The following MICAL3 variants were observed in gnomAD, a reference collection of about 807,000 sequenced individuals.
MICAL3 encodes the protein microtubule associated monooxygenase, calponin and LIM domain containing 3.
A neutral mutation model predicts 207.4 loss-of-function variants in MICAL3; 62 were observed. The observed-to-expected ratio is 0.30, with a 90% CI of 0.24 to 0.37. The LOEUF is 0.37. Among genes scored for constraint, MICAL3 ranks in the 10% least tolerant of loss-of-function variants. The pLI is 1.00. For synonymous variants in MICAL3, 1,077 were observed against 1,069.3 expected (o/e 1.01, Z -0.14); for missense variants, 2,368 against 2,635.6 (o/e 0.90, Z 2.22).
rs557182840 is a variant in MICAL3, at chr22:18,008,573, G to A, written c.-75+15708C>T. On this transcript the variant is annotated intron_variant, in intron 1 of 31. Coordinates refer to ENST00000441493, the MANE Select transcript of MICAL3 (RefSeq NM_015241.3). ...CCATGTTCTTGCCCCTCTTCTACAC[G>A]AAGGGACTGGTTTGGAACCAACTTA... 1.9e-4 allele frequency among the ~76,000 whole-genome samples: 29 copies of A among 152,304 alleles called. No individual in the cohort carries two copies. The South Asian group carries it at 4.4e-3, about 23-fold the overall frequency.
At chr22:17,832,229 G>C (rs777278560) in intron 20 of MICAL3, 122 bp from the exon 21 acceptor site, 1 of 1,263,394 alleles carries the variant, frequency 7.9e-7, no homozygotes, top group Non-Finnish European at 1.1e-6. Context: ...CAGGCGGAGA[G>C]AGACAGGAGG....
rs376922108 is a variant in MICAL3 at position 17,875,521 on chromosome 22, C to A, written c.2242-3498G>T. Reference sequence around the variant, plus strand: ...AGACTAAGAGAAAGCTCCCACTGGTCGACAAAAAATCGACGAGGAGGTTCA... The same window carrying A: ...AGACTAAGAGAAAGCTCCCACTGGTAGACAAAAAATCGACGAGGAGGTTCA... On this transcript the variant is annotated intron_variant, in intron 16 of 31. Coordinates refer to ENST00000441493, the MANE Select transcript of MICAL3 (RefSeq NM_015241.3). The A allele has an allele frequency of 1.9e-6, 3 of 1,551,486 alleles. No individual in the cohort carries two copies. In the South Asian group the frequency reaches 3.6e-5, roughly 19 times the overall value.
chr22:17,877,701 A>G (rs1296271051), intron 16 of MICAL3, among the ~76,000 whole-genome samples: 1 of 152,036 alleles, frequency 6.6e-6, no homozygotes, highest in Non-Finnish European at 1.5e-5. Context: ...ACCAGTTCAG[A>G]GGGAAAAAGA....
At chr22:17,998,081 C>T (rs1007037451) in intron 1 of MICAL3, among the ~76,000 whole-genome samples, 5 of 144,436 alleles carry the variant, frequency 3.5e-5, no homozygotes, top group Admixed American at 2.8e-4. Context: ...GAGGGTGAAT[C>T]ACCTGAGGTC....
chr22:17,886,528 G>C (rs1398588602), intron 15 of MICAL3, among the ~76,000 whole-genome samples: 2 of 152,166 alleles, frequency 1.3e-5, no homozygotes, highest in South Asian at 2.1e-4. Flanking sequence ...AATTTGGCCG[G>C]GTGTGGTGGC....
intron 1 of MICAL3, among the ~76,000 whole-genome samples, chr22:17,931,297 A>G (rs572277829): frequency 6.6e-6 from 1 of 152,282 alleles, no homozygotes; most frequent in South Asian, 2.1e-4. Flanking sequence ...CACCATTTGG[A>G]AAAAAACTAA....
At chr22:17,861,047 T>C in intron 19 of MICAL3, 2 of 985,460 alleles carry the variant, frequency 2.0e-6, no homozygotes, top group Non-Finnish European at 2.4e-6. Context: ...GCTATGGCTC[T>C]TGGGGTAAGG....
intron 1 of MICAL3, among the ~76,000 whole-genome samples, chr22:18,020,636 G>A (rs1324399181): frequency 2.5e-5 from 2 of 81,222 alleles, no homozygotes; most frequent in Non-Finnish European, 4.6e-5. Flanking sequence ...AAAAAAATAG[G>A]CTGGGTGCAG....
intron 1 of MICAL3, among the ~76,000 whole-genome samples, chr22:18,000,763 C>T (rs1922878162): frequency 6.6e-6 from 1 of 152,234 alleles, no homozygotes; most frequent in South Asian, 2.1e-4. Context: ...ACCGCCCCCA[C>T]AAACGGAAAG....
At chr22:18,016,482 A>G (rs1453430428) in intron 1 of MICAL3, among the ~76,000 whole-genome samples, 3 of 151,624 alleles carry the variant, frequency 2.0e-5, no homozygotes, top group Non-Finnish European at 3.0e-5. Context: ...ATGATCCTGA[A>G]AAGTCTCCCT....
chr22:17,881,235 T>G, intron 16 of MICAL3: 2 of 1,609,470 alleles, frequency 1.2e-6, no homozygotes, highest in Non-Finnish European at 1.7e-6. Context: ...GACAGGGAGG[T>G]GGAGTAGGGG....
intron 16 of MICAL3, among the ~76,000 whole-genome samples, chr22:17,878,027 G>C (rs1929044897): frequency 1.3e-5 from 2 of 152,080 alleles, no homozygotes; most frequent in Admixed American, 6.5e-5. Flanking sequence ...TAATTTTTTT[G>C]TATTTTCAGT....
chr22:17,827,934 TACACAC>T (rs60820224), intron 21 of MICAL3, among the ~76,000 whole-genome samples, 153 bp from the exon 22 acceptor site: 4 of 150,810 alleles, frequency 2.7e-5, no homozygotes, highest in Non-Finnish European at 4.4e-5. Context: ...TGCACATGTA[TACACAC>T]ACACACACAC....
At position 17,934,729 on chromosome 22, in the gene MICAL3, C is replaced by T. The variant is rs78687292; in HGVS notation, c.-74-27843G>A. Among the ~76,000 whole-genome samples the T allele has an allele frequency of 2.9e-3, 441 of 152,294 alleles. 16 individuals are homozygous for T. The East Asian group carries it at 0.075, about 26-fold the overall frequency. On this transcript the variant is annotated intron_variant, in intron 1 of 31. Transcript: ENST00000441493. The stretch of plus-strand genomic sequence containing the variant: ...AAACCCCACTGTTTCAGCCCCAAAT[C>T]TCCTTAAGCTGATAAGCAACTTCAG...
In MICAL3 at chr22:18,024,078, A is replaced by T. The variant is rs188262041; in HGVS notation, c.-75+203T>A. ...GTGTCGTGCGATGATCGAGACACGG[A>T]TACTGGGTGTCTTTCCCACTAGGGG... On this transcript the variant is annotated intron_variant, in intron 1 of 31. Transcript: ENST00000441493. Among the ~76,000 whole-genome samples, 38 of 152,324 alleles carry T rather than the reference A, an allele frequency of 2.5e-4. No homozygotes were observed. In the East Asian group the frequency reaches 6.8e-3, roughly 27 times the overall value.
rs553458273 is a variant in MICAL3 at position 17,870,676 on chromosome 22, A to C, written c.2428+1161T>G. Among the ~76,000 whole-genome samples, 28 of 152,350 alleles carry C rather than the reference A, an allele frequency of 1.8e-4. No individual in the cohort carries two copies. In the South Asian group the frequency reaches 5.8e-3, roughly 32 times the overall value. On this transcript the variant is annotated intron_variant, in intron 17 of 31. Coordinates refer to ENST00000441493, the MANE Select transcript of MICAL3 (RefSeq NM_015241.3). ...TGCCAGGCCCCATCCTTGAGATCAA[A>C]TGAGCTATCCAGAGAGCAGGTGTGT...
intron 2 of MICAL3, 75 bp from the exon 3 acceptor site, chr22:17,904,914 A>C: frequency 9.0e-7 from 1 of 1,114,068 alleles, no homozygotes; most frequent in Non-Finnish European, 1.3e-6. Flanking sequence ...TGATTGTAAG[A>C]TCATCACTCC....
chr22:17,954,427 A>T (rs966271011), intron 1 of MICAL3, among the ~76,000 whole-genome samples: 4 of 152,124 alleles, frequency 2.6e-5, no homozygotes, highest in African/African-American at 9.7e-5. Flanking sequence ...ACCTAACAGG[A>T]TTCTTGCTGA....
At chr22:17,991,480 A>G (rs894348130) in intron 1 of MICAL3, among the ~76,000 whole-genome samples, 1 of 152,218 alleles carries the variant, frequency 6.6e-6, no homozygotes, top group African/African-American at 2.4e-5. Context: ...ACGTTTCCAT[A>G]CATCAATTTT....
Sources: gnomAD v4.1 joint callset for allele counts (sites outside exome capture counted in the v4.1 genomes callset) on GRCh38, gnomAD v4.1.1 for gene constraint, MANE v1.5 for transcripts, NCBI Gene and HGNC (gene_info 2026-07-23, HGNC 2026-07-21) for gene names.